The following NEO1 variants were observed in gnomAD, a reference collection of about 807,000 sequenced individuals.
NEO1 encodes the protein neogenin 1, also known as neogenin.
A neutral mutation model predicts 159.7 loss-of-function variants in NEO1; 63 were observed. The ratio of observed to expected loss-of-function variants is 0.39; its 90% CI spans 0.32 to 0.49. NEO1 has a LOEUF of 0.49. NEO1 is among the 20% of genes least tolerant of loss of function. The pLI is 0.85. For synonymous variants in NEO1, 633 were observed against 662.0 expected (o/e 0.96, Z 0.67); for missense variants, 1,615 against 1,831.0 (o/e 0.88, Z 2.15).
At chr15:73,059,379 A>G (rs1382665573) in intron 1 of NEO1, among the ~76,000 whole-genome samples, 1 of 152,188 alleles carries the variant, frequency 6.6e-6, no homozygotes, top group African/African-American at 2.4e-5. Context: ...GAACCATTAG[A>G]AATAACCTTC....
intron 22 of NEO1, among the ~76,000 whole-genome samples, chr15:73,279,085 A>G (rs1365840426): frequency 1.3e-5 from 2 of 152,202 alleles, no homozygotes; most frequent in Non-Finnish European, 2.9e-5. Context: ...ATCTCCAGCT[A>G]TCTATTTAAA....
At chr15:73,261,514 C>T (rs1567631983) in intron 15 of NEO1, among the ~76,000 whole-genome samples, 1 of 152,104 alleles carries the variant, frequency 6.6e-6, no homozygotes, top group African/African-American at 2.4e-5. Flanking sequence ...ACAGTTGTAT[C>T]TCCATATACT....
intron 16 of NEO1, among the ~76,000 whole-genome samples, chr15:73,266,801 A>G (rs1385100263): frequency 1.3e-5 from 2 of 152,194 alleles, no homozygotes; most frequent in Non-Finnish European, 2.9e-5. Flanking sequence ...CGTGAACCCA[A>G]CATCATTTGG....
intron 1 of NEO1, among the ~76,000 whole-genome samples, chr15:73,065,806 C>A (rs1450985425): frequency 6.6e-6 from 1 of 151,958 alleles, no homozygotes; most frequent in Non-Finnish European, 1.5e-5. Context: ...GAATTAAATT[C>A]CATTAGAATT....
chr15:73,217,765 T>C (rs1186869109), intron 7 of NEO1, among the ~76,000 whole-genome samples: 10 of 152,232 alleles, frequency 6.6e-5, no homozygotes, highest in African/African-American at 2.4e-4. Flanking sequence ...GTGATTTTTG[T>C]ACATTGATTT....
intron 5 of NEO1, among the ~76,000 whole-genome samples, chr15:73,166,761 C>G (rs578058310): frequency 7.8e-4 from 118 of 152,256 alleles, no homozygotes; most frequent in African/African-American, 2.8e-3. Flanking sequence ...TCCCAAGTCC[C>G]TCAGGAAGAA....
chr15:73,300,885 T>G (rs755562139), intron 27 of NEO1, among the ~76,000 whole-genome samples: 6 of 152,242 alleles, frequency 3.9e-5, no homozygotes, highest in Non-Finnish European at 7.3e-5. Context: ...TTTTTTAAAC[T>G]GCACGTGCGT....
At chr15:73,221,462 T>G (rs904012813) in intron 7 of NEO1, among the ~76,000 whole-genome samples, 4 of 152,204 alleles carry the variant, frequency 2.6e-5, no homozygotes, top group African/African-American at 9.7e-5. Flanking sequence ...TGCAAAGCTG[T>G]CAGACAGGGA....
chr15:73,299,308 G>T (rs1164010676), intron 27 of NEO1, among the ~76,000 whole-genome samples: 3 of 151,788 alleles, frequency 2.0e-5, no homozygotes, highest in Non-Finnish European at 2.9e-5. Context: ...AATTTTTAAA[G>T]TATTTTATTC....
intron 18 of NEO1, among the ~76,000 whole-genome samples, chr15:73,271,055 A>G (rs377517004): frequency 5.3e-5 from 8 of 152,238 alleles, no homozygotes; most frequent in Non-Finnish European, 1.0e-4. Flanking sequence ...ATCTCTGTCT[A>G]TTTTGGCCTC....
At chr15:73,153,487 G>A (rs1469096478) in intron 5 of NEO1, among the ~76,000 whole-genome samples, 1 of 152,196 alleles carries the variant, frequency 6.6e-6, no homozygotes, top group Non-Finnish European at 1.5e-5. Flanking sequence ...AATTATTTGT[G>A]AAGCATTGGC....
intron 7 of NEO1, among the ~76,000 whole-genome samples, chr15:73,199,934 G>A (rs576218097): frequency 1.2e-4 from 18 of 152,074 alleles, no homozygotes; most frequent in Non-Finnish European, 2.4e-4. Flanking sequence ...ATGAGACAGA[G>A]CCCTCATGAC....
chr15:73,125,261 G>A (rs1239139330), intron 3 of NEO1, among the ~76,000 whole-genome samples: 1 of 152,210 alleles, frequency 6.6e-6, no homozygotes, highest in East Asian at 1.9e-4. Flanking sequence ...GGGTTGTACT[G>A]GTTAAGAGAC....
chr15:73,187,380 C>T (rs757777266), intron 7 of NEO1, among the ~76,000 whole-genome samples: 4 of 152,160 alleles, frequency 2.6e-5, no homozygotes, highest in African/African-American at 7.2e-5. Flanking sequence ...TTCTCCTGCT[C>T]CCTGTTTGCC....
At chr15:73,255,994 G>A (rs543791521) in intron 13 of NEO1, 2 of 152,300 alleles carry the variant, frequency 1.3e-5, no homozygotes, top group Non-Finnish European at 2.9e-5. Flanking sequence ...TCCAAAGCGT[G>A]TTGGTAGATA....
intron 3 of NEO1, among the ~76,000 whole-genome samples, chr15:73,125,033 A>C (rs1482301921): frequency 6.6e-6 from 1 of 152,198 alleles, no homozygotes; most frequent in Non-Finnish European, 1.5e-5. Flanking sequence ...ACTTCTCAAC[A>C]CCTAGGGTAG....
chr15:73,300,515 A>G (rs1374404333), intron 27 of NEO1, among the ~76,000 whole-genome samples: 2 of 152,166 alleles, frequency 1.3e-5, no homozygotes, highest in Non-Finnish European at 2.9e-5. Context: ...AGATCACCTG[A>G]GGTCAGGAGT....
At position 73,298,352 on chromosome 15, in the gene NEO1, C is replaced by A. The variant is rs767049052; in HGVS notation, c.3906C>A (p.Ser1302=). ...SLSDRANSTE[S]VRNTPSTDTM... ...ATTTAGACTTTCCTGCTGTAGAATC[C>A]GTTCGAAATACCCCCAGCACTGACA... Residue 1302 remains serine (S), a synonymous_variant, in exon 27 of 29, where the codon TCC becomes TCA. Transcript: ENST00000261908. The A allele has an allele frequency of 6.2e-7, 1 of 1,613,836 alleles. No homozygotes were observed. The highest frequency in any genetic ancestry group is 8.5e-7 in the Non-Finnish European group (1 of 1,179,756).
chr15:73,187,199 C>T (rs180897828), intron 7 of NEO1, among the ~76,000 whole-genome samples: 17 of 152,214 alleles, frequency 1.1e-4, no homozygotes, highest in Admixed American at 2.0e-4. Flanking sequence ...ATAATTCACT[C>T]CATTATTTTT....
Sources: allele counts gnomAD v4.1 joint callset (sites outside exome capture counted in the v4.1 genomes callset), GRCh38; gene constraint gnomAD v4.1.1; transcripts MANE v1.5; gene names NCBI Gene and HGNC (gene_info 2026-07-23, HGNC 2026-07-21).